Variants in DLC1 observed in about 807,000 individuals in gnomAD.
DLC1 encodes the protein rho GTPase-activating protein 7.
A neutral mutation model predicts 140.3 loss-of-function variants in DLC1; 54 were observed. The observed-to-expected ratio is 0.38, with a 90% CI of 0.31 to 0.48. The LOEUF (loss-of-function observed/expected upper bound fraction) is 0.48, where lower values mean the gene tolerates loss of function less well. DLC1 is among the 20% of genes least tolerant of loss of function. The probability of loss-of-function intolerance (pLI) is 0.96; values close to 1 mark genes in which losing one functional copy is unlikely to be tolerated. For missense variants in DLC1, 2,536 were observed against 1,907.0 expected (o/e 1.33, Z -6.14); for synonymous variants, 986 against 728.1 (o/e 1.35, Z -5.70).
chr8:13,355,352 G>A (rs1481100995), intron 4 of DLC1, among the ~76,000 whole-genome samples: 2 of 152,122 alleles, frequency 1.3e-5, no homozygotes, highest in African/African-American at 4.8e-5. Context: ...TCCAGGCATG[G>A]TGATGTGCGC....
At chr8:13,456,432 C>T (rs1165737772) in intron 2 of DLC1, among the ~76,000 whole-genome samples, 3 of 151,414 alleles carry the variant, frequency 2.0e-5, no homozygotes, top group Admixed American at 6.6e-5. Flanking sequence ...TCTCCAATAA[C>T]ATACTTCTAC....
intron 4 of DLC1, among the ~76,000 whole-genome samples, chr8:13,323,606 G>A (rs895890745): frequency 1.3e-5 from 2 of 152,106 alleles, no homozygotes; most frequent in Non-Finnish European, 2.9e-5. Flanking sequence ...ACTATATACA[G>A]AATAATAAAA....
At chr8:13,303,763 C>G (rs746647522) in intron 5 of DLC1, among the ~76,000 whole-genome samples, 28 of 152,100 alleles carry the variant, frequency 1.8e-4, no homozygotes, top group Non-Finnish European at 3.8e-4. Flanking sequence ...GATCACACCA[C>G]TGTGCTCCAG....
At chr8:13,150,059 A>G (rs761519148) in intron 5 of DLC1, among the ~76,000 whole-genome samples, 65 of 152,298 alleles carry the variant, frequency 4.3e-4, no homozygotes, top group Non-Finnish European at 6.6e-4. Flanking sequence ...CATAAAACCG[A>G]CACCACTTGA....
In DLC1 at chr8:13,322,902, G is replaced by A. The variant is rs187072442; in HGVS notation, c.1315-17600C>T. ...GCGACTTCTGACTCTATTCCATAAG[G>A]CACTGCAGATTCCCTCTTGCACTGT... On this transcript the variant is annotated intron_variant, in intron 4 of 17. Transcript: ENST00000276297. Among the ~76,000 whole-genome samples, 218 of 152,200 alleles carry A rather than the reference G, an allele frequency of 1.4e-3. 1 individual carries two copies. The highest frequency in any genetic ancestry group is 0.013 in the Admixed American group (200 of 15,272).
At chr8:13,284,450 C>G (rs1041866023) in intron 5 of DLC1, among the ~76,000 whole-genome samples, 1 of 152,014 alleles carries the variant, frequency 6.6e-6, no homozygotes, top group Non-Finnish European at 1.5e-5. Flanking sequence ...TTGCTTAAAC[C>G]CGGGAGGCAG....
intron 5 of DLC1, among the ~76,000 whole-genome samples, chr8:13,274,996 A>G (rs944484972): frequency 6.6e-6 from 1 of 152,248 alleles, no homozygotes; most frequent in African/African-American, 2.4e-5. Context: ...ATAAAAAATC[A>G]TATTGGAAAG....
chr8:13,298,104 C>T (rs1008238444), intron 5 of DLC1, among the ~76,000 whole-genome samples: 5 of 152,078 alleles, frequency 3.3e-5, no homozygotes, highest in Non-Finnish European at 2.9e-5. Context: ...TTGGAGAGAC[C>T]GTGACTCTGG....
intron 5 of DLC1, among the ~76,000 whole-genome samples, chr8:13,220,357 T>C (rs1828482125): frequency 6.6e-6 from 1 of 152,116 alleles, no homozygotes; most frequent in Non-Finnish European, 1.5e-5. Context: ...AAGGTAAAGA[T>C]AGAAACTTGA....
At chr8:13,531,389 C>T (rs1450976705) in intron 1 of DLC1, among the ~76,000 whole-genome samples, 1 of 152,096 alleles carries the variant, frequency 6.6e-6, no homozygotes, top group African/African-American at 2.4e-5. Context: ...AGTTCAAGAC[C>T]AGCCTGGCCA....
intron 5 of DLC1, among the ~76,000 whole-genome samples, chr8:13,201,921 G>C (rs112586431): frequency 9.8e-5 from 10 of 101,800 alleles, no homozygotes; most frequent in African/African-American, 3.3e-4. Context: ...TACCCAAAAG[G>C]TTTTTTTTTT....
rs745628579 is a variant in DLC1, at chr8:13,095,132, C to T, written c.3281G>A (p.Ser1094Asn). Reference protein sequence around the residue: ...VQRTGQPLPQSIQQAMRYLRN... With the variant: ...VQRTGQPLPQNIQQAMRYLRN... ...GAGGTATCGCATGGCCTGCTGGATG[C>T]TCTGAGGCAACGGTTGTCCTGTGCG... The change falls in exon 11 of 18, where the codon AGC (serine) becomes AAC (asparagine). Residue 1094 changes from serine to asparagine, a missense_variant. Transcript: ENST00000276297. The T allele has an allele frequency of 5.0e-6, 8 of 1,614,270 alleles. No homozygotes were observed. In the South Asian group the frequency reaches 6.6e-5, roughly 13 times the overall value.
intron 4 of DLC1, among the ~76,000 whole-genome samples, chr8:13,351,898 T>G (rs898843074): frequency 1.3e-5 from 2 of 152,186 alleles, no homozygotes; most frequent in East Asian, 3.9e-4. Context: ...TAATAACATA[T>G]CCATTAATGC....
At chr8:13,349,410 C>A (rs59579739) in intron 4 of DLC1, among the ~76,000 whole-genome samples, 1 of 151,958 alleles carries the variant, frequency 6.6e-6, no homozygotes, top group Admixed American at 6.6e-5. Context: ...AAGAAAAAAA[C>A]GGAATACATA....
At chr8:13,346,152 C>T (rs1047160356) in intron 4 of DLC1, among the ~76,000 whole-genome samples, 3 of 152,114 alleles carry the variant, frequency 2.0e-5, no homozygotes, top group African/African-American at 4.8e-5. Context: ...TTGAGTTTTG[C>T]ACTTTGGGAT....
chr8:13,540,063 A>G (rs1416073158), intron 1 of DLC1, among the ~76,000 whole-genome samples: 1 of 152,236 alleles, frequency 6.6e-6, no homozygotes, highest in South Asian at 2.1e-4. Context: ...TTACAAACCT[A>G]GTCGCAAAAG....
intron 5 of DLC1, among the ~76,000 whole-genome samples, chr8:13,206,835 C>T (rs955658201): frequency 6.6e-6 from 1 of 151,978 alleles, no homozygotes; most frequent in Admixed American, 6.6e-5. Flanking sequence ...GAGCAAAGAA[C>T]TCGAACAGCA....
intron 4 of DLC1, among the ~76,000 whole-genome samples, chr8:13,383,608 A>G (rs895203606): frequency 4.6e-5 from 7 of 152,326 alleles, no homozygotes; most frequent in East Asian, 3.9e-4. Flanking sequence ...TTTTATAAAC[A>G]TGCCCTTGTT....
At position 13,499,833 on chromosome 8, in the gene DLC1, T is replaced by G; in HGVS notation, c.239A>C (p.His80Pro). Residue 80 changes from histidine (H) to proline (P), a missense_variant, in exon 2 of 18, where the codon CAT becomes CCT. Physicochemically the swap from His to Pro is moderately conservative, Grantham distance 77. Transcript: ENST00000276297. ...ATTTTCGTCCACATCCTTTGAAAGA[T>G]GACCCATTGGCCTCCCAGGAAAATC... ...LRDFPGRPMG[H>P]LSKDVDENDS... The G allele has an allele frequency of 8.7e-6, 14 of 1,614,124 alleles. No individual in the cohort carries two copies. The highest frequency in any genetic ancestry group is 1.3e-5 in the African/African-American group (1 of 75,062).
Sources: gnomAD v4.1 joint callset for allele counts (sites outside exome capture counted in the v4.1 genomes callset) on GRCh38, gnomAD v4.1.1 for gene constraint, MANE v1.5 for transcripts, NCBI Gene and HGNC (gene_info 2026-07-23, HGNC 2026-07-21) for gene names.